The following PLCXD3 variants were observed in gnomAD, a reference collection of about 807,000 sequenced individuals.
PLCXD3 encodes PI-PLC X domain-containing protein 3.
In PLCXD3, 19 loss-of-function variants were observed where a neutral mutation model predicts 25.5. That is an observed-to-expected ratio of 0.75 (90% CI 0.52 to 1.09). The LOEUF is 1.09. Ranked by LOEUF, PLCXD3 falls within the 50% of genes least tolerant of loss-of-function variation. PLCXD3 has a pLI of 0.00. For synonymous variants in PLCXD3, 174 were observed against 137.6 expected (o/e 1.26, Z -1.85); for missense variants, 411 against 388.1 (o/e 1.06, Z -0.50).
At position 41,336,583 on chromosome 5, in the gene PLCXD3, G is replaced by T. The variant is rs577146286; in HGVS notation, c.813-22813C>A. On this transcript the variant is annotated intron_variant, in intron 2 of 2. Coordinates refer to ENST00000377801, the MANE Select transcript of PLCXD3 (RefSeq NM_001005473.3). ...CCTCCCAGAGCTTCCCTTCCAGATG[G>T]AGAGTGCTCATTCTTCTAGCTTCTG... is the stretch of plus-strand genomic sequence containing the variant. Among the ~76,000 whole-genome samples the T allele has an allele frequency of 2.0e-5, 3 of 152,230 alleles. No homozygotes were observed. The South Asian group carries it at 6.2e-4, about 32-fold the overall frequency.
At chr5:41,349,088 C>A (rs1744381342) in intron 2 of PLCXD3, among the ~76,000 whole-genome samples, 1 of 152,046 alleles carries the variant, frequency 6.6e-6, no homozygotes, top group Non-Finnish European at 1.5e-5. Flanking sequence ...ACTGACAGTG[C>A]AAAGGATTAG....
intron 1 of PLCXD3, among the ~76,000 whole-genome samples, chr5:41,495,031 T>A (rs1385927121): frequency 6.6e-6 from 1 of 152,228 alleles, no homozygotes; most frequent in African/African-American, 2.4e-5. Flanking sequence ...CAACAATACA[T>A]GGATTAATTT....
At chr5:41,404,919 C>T (rs542742277) in intron 1 of PLCXD3, among the ~76,000 whole-genome samples, 64 of 152,260 alleles carry the variant, frequency 4.2e-4, no homozygotes, top group African/African-American at 1.5e-3. Flanking sequence ...CCTTGGAATT[C>T]AGGCTTTGAC....
intron 2 of PLCXD3, among the ~76,000 whole-genome samples, chr5:41,343,401 A>G (rs1744213774): frequency 6.6e-6 from 1 of 152,206 alleles, no homozygotes; most frequent in Non-Finnish European, 1.5e-5. Context: ...CCAAAGGCAA[A>G]GAAATCATCC....
At chr5:41,355,872 A>G (rs1744603028) in intron 2 of PLCXD3, among the ~76,000 whole-genome samples, 1 of 152,160 alleles carries the variant, frequency 6.6e-6, no homozygotes. Flanking sequence ...ACCATCAAAG[A>G]TGAGTTTCCC....
intron 1 of PLCXD3, among the ~76,000 whole-genome samples, chr5:41,387,626 CTG>C (rs368687211): frequency 3.3e-5 from 5 of 152,164 alleles, no homozygotes; most frequent in African/African-American, 9.6e-5. Flanking sequence ...GTTAGTCTCT[CTG>C]TGTAAAAAAT....
intron 1 of PLCXD3, among the ~76,000 whole-genome samples, chr5:41,490,732 G>A (rs1357306692): frequency 2.6e-5 from 4 of 152,100 alleles, no homozygotes. Flanking sequence ...AGAGGTGATT[G>A]TAGTATTCTC....
chr5:41,327,480 A>T (rs192336122), intron 2 of PLCXD3, among the ~76,000 whole-genome samples: 1 of 152,338 alleles, frequency 6.6e-6, no homozygotes, highest in Admixed American at 6.5e-5. Flanking sequence ...ATAAATAAAG[A>T]GCTCACTGTC....
intron 1 of PLCXD3, among the ~76,000 whole-genome samples, chr5:41,509,991 G>C (rs151302637): frequency 6.6e-6 from 1 of 152,300 alleles, no homozygotes; most frequent in Non-Finnish European, 1.5e-5. Flanking sequence ...TTCCATGCCA[G>C]GGATAGACTC....
At chr5:41,497,944 C>G (rs764375579) in intron 1 of PLCXD3, among the ~76,000 whole-genome samples, 1 of 151,414 alleles carries the variant, frequency 6.6e-6, no homozygotes, top group Non-Finnish European at 1.5e-5. Context: ...CTTTAACAAC[C>G]AATTGGTCAA....
intron 2 of PLCXD3, among the ~76,000 whole-genome samples, chr5:41,378,363 A>C (rs1232432604): frequency 6.6e-6 from 1 of 152,140 alleles, no homozygotes; most frequent in African/African-American, 2.4e-5. Context: ...ACTCCACTGG[A>C]GAGTGCCAGC....
intron 2 of PLCXD3, among the ~76,000 whole-genome samples, chr5:41,333,415 A>G (rs533205608): frequency 4.6e-5 from 7 of 152,318 alleles, no homozygotes; most frequent in African/African-American, 1.7e-4. Flanking sequence ...CCAGAAGGTT[A>G]GTATTTCATA....
At chr5:41,349,977 G>C (rs774791454) in intron 2 of PLCXD3, among the ~76,000 whole-genome samples, 1 of 151,316 alleles carries the variant, frequency 6.6e-6, no homozygotes, top group Non-Finnish European at 1.5e-5. Context: ...GAAAATTGTA[G>C]CCAGCTATTC....
intron 1 of PLCXD3, among the ~76,000 whole-genome samples, chr5:41,403,866 C>T (rs960190985): frequency 4.6e-5 from 7 of 151,098 alleles, no homozygotes; most frequent in African/African-American, 1.5e-4. Context: ...AATAAACATA[C>T]GTGTGCATGT....
At chr5:41,495,049 G>A (rs1561290417) in intron 1 of PLCXD3, among the ~76,000 whole-genome samples, 1 of 152,252 alleles carries the variant, frequency 6.6e-6, no homozygotes, top group Non-Finnish European at 1.5e-5. Flanking sequence ...TTTCCTCTAT[G>A]ATAAATCCTG....
intron 1 of PLCXD3, among the ~76,000 whole-genome samples, chr5:41,444,276 G>T (rs1421184648): frequency 6.6e-6 from 1 of 152,120 alleles, no homozygotes; most frequent in Non-Finnish European, 1.5e-5. Flanking sequence ...TCTTAGGAGG[G>T]TTAATATTAT....
intron 1 of PLCXD3, among the ~76,000 whole-genome samples, chr5:41,440,215 ATTTTTTTTTTTTTTTTTTTTTTTT>A: frequency 2.4e-5 from 1 of 41,080 alleles, no homozygotes; most frequent in African/African-American, 1.0e-4. Context: ...TAATCTCTCA[ATTTTTTTTTTTTTTTTTTTTTTTT>A]TTTTTTTTTT....
intron 2 of PLCXD3, among the ~76,000 whole-genome samples, chr5:41,353,124 G>T (rs1458713481): frequency 1.4e-5 from 2 of 142,950 alleles, no homozygotes; most frequent in Non-Finnish European, 3.0e-5. Context: ...ACAGAGTCTC[G>T]CTCTGTTGCC....
chr5:41,425,047 G>A (rs1746922853), intron 1 of PLCXD3, among the ~76,000 whole-genome samples: 1 of 152,184 alleles, frequency 6.6e-6, no homozygotes, highest in Non-Finnish European at 1.5e-5. Flanking sequence ...TATTTTGGTG[G>A]TTGTATGCAG....
Sources: allele counts gnomAD v4.1 joint callset (sites outside exome capture counted in the v4.1 genomes callset), GRCh38; gene constraint gnomAD v4.1.1; transcripts MANE v1.5; gene names NCBI Gene and HGNC (gene_info 2026-07-23, HGNC 2026-07-21).